CCSER1: variants seen among roughly 807,000 people sequenced by gnomAD.
CCSER1 encodes the protein serine-rich coiled-coil domain-containing protein 1.
Under a neutral mutation model 82.0 loss-of-function variants are expected in CCSER1, and 41 were observed. That is an observed-to-expected ratio of 0.50 (90% CI 0.39 to 0.65). The LOEUF is 0.65. CCSER1 is among the 30% of genes least tolerant of loss of function. The pLI is 0.00. For synonymous variants in CCSER1, 414 were observed against 383.9 expected (o/e 1.08, Z -0.92); for missense variants, 1,119 against 1,064.2 (o/e 1.05, Z -0.72).
intron 4 of CCSER1, among the ~76,000 whole-genome samples, chr4:90,403,523 A>T (rs959273053): frequency 1.1e-4 from 16 of 151,176 alleles, no homozygotes; most frequent in South Asian, 2.1e-4. Flanking sequence ...AAAAAAAAGA[A>T]AAAAGACCTC....
chr4:91,401,224 A>G (rs1001467213), intron 10 of CCSER1, among the ~76,000 whole-genome samples: 49 of 150,362 alleles, frequency 3.3e-4, no homozygotes, highest in African/African-American at 1.2e-3. Flanking sequence ...ATGCAGTTTA[A>G]TATGGTGAAT....
At chr4:90,871,547 A>AT (rs1238717589) in intron 8 of CCSER1, among the ~76,000 whole-genome samples, 7 of 151,816 alleles carry the variant, frequency 4.6e-5, no homozygotes, top group Non-Finnish European at 7.4e-5. Flanking sequence ...ATTATTTCAA[A>AT]TTTTTTTGTT....
chr4:90,612,512 A>T (rs1785659655), intron 5 of CCSER1, among the ~76,000 whole-genome samples: 1 of 152,220 alleles, frequency 6.6e-6, no homozygotes, highest in South Asian at 2.1e-4. Context: ...TTTATGACAT[A>T]TGCAACTCCA....
chr4:90,539,325 G>A (rs1393813856), intron 5 of CCSER1, among the ~76,000 whole-genome samples: 1 of 152,016 alleles, frequency 6.6e-6, no homozygotes, highest in Non-Finnish European at 1.5e-5. Flanking sequence ...AAGGAAGACA[G>A]GGATTCACTG....
chr4:90,747,538 T>A (rs1042038264), intron 7 of CCSER1, among the ~76,000 whole-genome samples: 1 of 152,112 alleles, frequency 6.6e-6, no homozygotes, highest in South Asian at 2.1e-4. Flanking sequence ...TTTCAGTGTT[T>A]AGTATGCAGA....
chr4:91,577,496 T>G (rs1028516174), intron 10 of CCSER1, among the ~76,000 whole-genome samples: 1 of 152,044 alleles, frequency 6.6e-6, no homozygotes. Context: ...CAATTCTTTC[T>G]AGCATATTAT....
At chr4:90,436,283 T>G (rs1365414749) in intron 4 of CCSER1, among the ~76,000 whole-genome samples, 1 of 152,200 alleles carries the variant, frequency 6.6e-6, no homozygotes, top group Non-Finnish European at 1.5e-5. Flanking sequence ...TTCTGGAACT[T>G]AATTTGGGTT....
At chr4:91,340,527 T>C (rs1381962094) in intron 10 of CCSER1, among the ~76,000 whole-genome samples, 1 of 152,174 alleles carries the variant, frequency 6.6e-6, no homozygotes, top group Non-Finnish European at 1.5e-5. Flanking sequence ...GCTTTTTTGT[T>C]AAGTAATTAA....
At chr4:91,305,211 T>TA (rs971774296) in intron 10 of CCSER1, among the ~76,000 whole-genome samples, 16 of 152,078 alleles carry the variant, frequency 1.1e-4, no homozygotes, top group African/African-American at 3.9e-4. Flanking sequence ...TTTTTACTTG[T>TA]AAAAAAGGCT....
chr4:90,154,476 G>A (rs1181169347), intron 1 of CCSER1, among the ~76,000 whole-genome samples: 6 of 151,964 alleles, frequency 3.9e-5, no homozygotes, highest in Admixed American at 2.6e-4. Flanking sequence ...GGGCAGTATG[G>A]CCATGTTCAC....
intron 8 of CCSER1, among the ~76,000 whole-genome samples, chr4:90,823,562 ACT>A (rs1760051602): frequency 6.6e-6 from 1 of 152,122 alleles, no homozygotes; most frequent in Admixed American, 6.5e-5. Flanking sequence ...AACTTGAGAT[ACT>A]TAAATTATAT....
chr4:91,182,501 C>T (rs1348621931), intron 10 of CCSER1, among the ~76,000 whole-genome samples: 1 of 152,190 alleles, frequency 6.6e-6, no homozygotes, highest in Non-Finnish European at 1.5e-5. Flanking sequence ...CATATTTTAT[C>T]TCCCCCTTTC....
intron 10 of CCSER1, among the ~76,000 whole-genome samples, chr4:91,384,260 G>A (rs959810464): frequency 2.0e-5 from 3 of 152,014 alleles, no homozygotes; most frequent in African/African-American, 7.3e-5. Context: ...GTTTGGCTGA[G>A]TGAATCCATG....
intron 10 of CCSER1, among the ~76,000 whole-genome samples, chr4:91,222,518 G>A (rs529859811): frequency 3.3e-5 from 5 of 152,238 alleles, no homozygotes; most frequent in Admixed American, 1.3e-4. Flanking sequence ...GTGTGCAGAT[G>A]AGCTTGCTTA....
chr4:91,494,221 A>T (rs1054713873), intron 10 of CCSER1, among the ~76,000 whole-genome samples: 1 of 151,886 alleles, frequency 6.6e-6, no homozygotes, highest in Non-Finnish European at 1.5e-5. Flanking sequence ...TACCAGTGTC[A>T]GGTATTTTGT....
At chr4:91,034,821 TG>T (rs1199571975) in intron 9 of CCSER1, among the ~76,000 whole-genome samples, 1 of 152,132 alleles carries the variant, frequency 6.6e-6, no homozygotes, top group Non-Finnish European at 1.5e-5. Context: ...GTCTTTTACA[TG>T]GTAGGAAATC....
chr4:91,549,897 G>A (rs751907344), intron 10 of CCSER1, among the ~76,000 whole-genome samples: 6 of 151,614 alleles, frequency 4.0e-5, no homozygotes, highest in South Asian at 2.1e-4. Context: ...CTTCACTGCC[G>A]CTTCTCAGTT....
intron 10 of CCSER1, among the ~76,000 whole-genome samples, chr4:91,596,002 C>G (rs954078385): frequency 4.2e-5 from 5 of 118,690 alleles, no homozygotes; most frequent in African/African-American, 9.6e-5. Context: ...CAAAAACAAA[C>G]TATGCTAAAT....
At position 90,828,422 on chromosome 4, in the gene CCSER1, T is replaced by G. The variant is rs564107037; in HGVS notation, c.2094+12577T>G. 8.5e-5 allele frequency among the ~76,000 whole-genome samples: 13 copies of G among 152,276 alleles called. No homozygotes were observed. The South Asian group carries it at 2.7e-3, about 32-fold the overall frequency. On this transcript the variant is annotated intron_variant, in intron 8 of 10. Transcript: ENST00000509176. ...TACAGAGTGAGAGAATGGTCAAAAG[T>G]GAGGAGAAGCACTAAATCCAAACAG...
Sources: allele counts gnomAD v4.1 joint callset (sites outside exome capture counted in the v4.1 genomes callset), GRCh38; gene constraint gnomAD v4.1.1; transcripts MANE v1.5; gene names NCBI Gene and HGNC (gene_info 2026-07-23, HGNC 2026-07-21).